Variants in NSD2 observed in about 807,000 individuals in gnomAD.
NSD2 encodes the protein nuclear receptor binding SET domain protein 2.
Under a neutral mutation model 139.0 loss-of-function variants are expected in NSD2, and 12 were observed. The ratio of observed to expected loss-of-function variants is 0.09; its 90% CI spans 0.06 to 0.14. The LOEUF (loss-of-function observed/expected upper bound fraction) is 0.14. Among genes scored for constraint, NSD2 ranks in the 10% least tolerant of loss-of-function variants. The pLI is 1.00. For synonymous variants in NSD2, 669 were observed against 648.7 expected (o/e 1.03, Z -0.48); for missense variants, 1,155 against 1,745.0 (o/e 0.66, Z 6.02).
At chr4:1,895,223 C>T (rs1221394423) in intron 1 of NSD2, among the ~76,000 whole-genome samples, 1 of 152,174 alleles carries the variant, frequency 6.6e-6, no homozygotes, top group Non-Finnish European at 1.5e-5. Flanking sequence ...TGTAATAGTG[C>T]TCCTGTGAAC....
intron 6 of NSD2, among the ~76,000 whole-genome samples, chr4:1,931,495 A>C (rs535836875): frequency 1.3e-5 from 2 of 152,306 alleles, no homozygotes; most frequent in African/African-American, 4.8e-5. Flanking sequence ...TGTAAAAATA[A>C]CTGACATATT....
chr4:1,910,114 T>G (rs1449702751), intron 3 of NSD2, among the ~76,000 whole-genome samples: 4 of 151,908 alleles, frequency 2.6e-5, no homozygotes, highest in Non-Finnish European at 5.9e-5. Context: ...CAAAATTTCC[T>G]TTGGAAATCT....
At chr4:1,975,556 C>G (rs1303800329) in intron 20 of NSD2, 156 bp downstream of exon 20, 2 of 636,314 alleles carry the variant, frequency 3.1e-6, no homozygotes, top group South Asian at 1.9e-5. Context: ...GAGGATGGCT[C>G]TCAACAAAGG....
intron 17 of NSD2, among the ~76,000 whole-genome samples, chr4:1,960,118 C>T (rs889350585): frequency 3.9e-5 from 6 of 152,142 alleles, no homozygotes; most frequent in African/African-American, 1.4e-4. Context: ...CTAGGCCTCC[C>T]AAAGCAATGG....
chr4:1,874,833 A>G (rs1714132777), intron 1 of NSD2, among the ~76,000 whole-genome samples: 1 of 152,248 alleles, frequency 6.6e-6, no homozygotes, highest in Non-Finnish European at 1.5e-5. Flanking sequence ...TTAGGCTTGT[A>G]TTTGTAAACT....
In NSD2 at chr4:1,900,489, T is replaced by C. The variant is rs551892281; in HGVS notation, c.-29-137T>C. ...GATACTAAAACTGCCTTCTGTGACC[T>C]GAATTATTATAAAAACATCATAAAT... On this transcript the variant is annotated intron_variant, in intron 1 of 21. Transcript: ENST00000508803. The C allele has an allele frequency of 9.6e-6, 5 of 521,236 alleles. No homozygotes were observed. In the Admixed American group the frequency reaches 1.5e-4, roughly 16 times the overall value. 32.3% of individuals were successfully genotyped at this position (521,236 alleles called of 1,614,324 possible).
intron 18 of NSD2, among the ~76,000 whole-genome samples, chr4:1,969,123 C>T (rs539690508): frequency 1.5e-4 from 23 of 152,300 alleles, no homozygotes; most frequent in African/African-American, 5.3e-4. Context: ...CTGGGGCCTG[C>T]CCCCAGCGGC....
intron 21 of NSD2, among the ~76,000 whole-genome samples, chr4:1,977,185 T>C (rs1302206570): frequency 6.6e-6 from 1 of 152,214 alleles, no homozygotes; most frequent in African/African-American, 2.4e-5. Flanking sequence ...GCTCCGCCGG[T>C]TGACGAAGGA....
At chr4:1,951,036 G>T in intron 9 of NSD2, 36 bp from the exon 10 acceptor site, 1 of 1,611,678 alleles carries the variant, frequency 6.2e-7, no homozygotes, top group South Asian at 1.1e-5. Flanking sequence ...TGTGTTCTGC[G>T]ACTAGTGAAC....
chr4:1,912,513 TGTC>T (rs1718816780), intron 3 of NSD2, among the ~76,000 whole-genome samples: 1 of 152,208 alleles, frequency 6.6e-6, no homozygotes, highest in African/African-American at 2.4e-5. Flanking sequence ...TACACTATGT[TGTC>T]CATACAGCCT....
At chr4:1,971,716 A>G (rs1638916027) in intron 18 of NSD2, among the ~76,000 whole-genome samples, 1 of 152,148 alleles carries the variant, frequency 6.6e-6, no homozygotes, top group Non-Finnish European at 1.5e-5. Context: ...GCACCTGAAA[A>G]GCATGGAGAG....
In NSD2 at chr4:1,974,724, T is replaced by TC; in HGVS notation, c.3373-138dup. On this transcript the variant is annotated intron_variant, in intron 18 of 21. Coordinates refer to ENST00000508803, the MANE Select transcript of NSD2 (RefSeq NM_001042424.3). This position sits in a 1 kb window ranked among gnomAD's most constrained non-coding sequence, Gnocchi z 4.0. ...AGGACTGGTTTGGGGGTGTCCTGTC[T>TC]CAGTGGACACAGGACACCACGGTTT... 3.3e-6 allele frequency: 4 copies of TC among 1,222,110 alleles called. No individual in the cohort carries two copies. The highest frequency in any genetic ancestry group is 4.8e-6 in the Non-Finnish European group (4 of 834,206). The allele number at this position is 1,222,110 out of a possible 1,614,324, so 75.7% of individuals were successfully genotyped here.
At chr4:1,964,634 T>C (rs2108988395) in intron 18 of NSD2, among the ~76,000 whole-genome samples, 1 of 152,278 alleles carries the variant, frequency 6.6e-6, no homozygotes, top group South Asian at 2.1e-4. Flanking sequence ...TGCGCTGCGC[T>C]GCCGTTGTTA....
intron 5 of NSD2, among the ~76,000 whole-genome samples, chr4:1,924,630 G>A (rs1407047886): frequency 6.6e-6 from 1 of 152,028 alleles, no homozygotes; most frequent in East Asian, 1.9e-4. Flanking sequence ...TGAGTTCTGG[G>A]CAGAGTGCAG....
At chr4:1,949,812 AAC>A (rs1724025801) in intron 9 of NSD2, among the ~76,000 whole-genome samples, 1 of 151,914 alleles carries the variant, frequency 6.6e-6, no homozygotes, top group South Asian at 2.1e-4. Flanking sequence ...GAAGTCAGCA[AAC>A]ACTTCTGTGT....
chr4:1,963,644 C>A (rs1725586370), intron 18 of NSD2, among the ~76,000 whole-genome samples: 1 of 152,188 alleles, frequency 6.6e-6, no homozygotes, highest in Non-Finnish European at 1.5e-5. Context: ...ACCTGAGGTA[C>A]CTGATTGAGG....
intron 7 of NSD2, among the ~76,000 whole-genome samples, chr4:1,936,624 C>T (rs1260702882): frequency 3.4e-5 from 5 of 145,430 alleles, no homozygotes; most frequent in East Asian, 2.0e-4. Context: ...GCTGAGATTG[C>T]GCCACTGCAC....
chr4:1,978,959 C>A lies in NSD2; in HGVS notation c.*50C>A. The A allele has an allele frequency of 6.9e-7, 1 of 1,446,822 alleles. No individual in the cohort carries two copies. Among genetic ancestry groups the A allele is most frequent in the Non-Finnish European group, 9.1e-7 (1 of 1,097,736 alleles). The allele number at this position is 1,446,822 out of a possible 1,614,324, so 89.6% of individuals were successfully genotyped here. A position where few individuals can be genotyped will look rare whatever the true frequency, so the allele number is the denominator to read the frequency against. On this transcript the variant is annotated 3_prime_UTR_variant, in exon 22 of 22. Coordinates refer to ENST00000508803, the MANE Select transcript of NSD2 (RefSeq NM_001042424.3). Reference sequence around the variant, plus strand: ...CCAGGGGCGGTGCAGGGCGGCCGGCCCTGCCTGCGGGAGAGGGCGAGCATG... The same window carrying A: ...CCAGGGGCGGTGCAGGGCGGCCGGCACTGCCTGCGGGAGAGGGCGAGCATG...
intron 5 of NSD2, among the ~76,000 whole-genome samples, chr4:1,920,399 T>C (rs1427715833): frequency 6.6e-6 from 1 of 151,718 alleles, no homozygotes; most frequent in Non-Finnish European, 1.5e-5. Context: ...GCTGAAATCA[T>C]GCCGCTGCAC....
Sources: gnomAD v4.1 joint callset for allele counts (sites outside exome capture counted in the v4.1 genomes callset) on GRCh38, gnomAD v4.1.1 for gene constraint, Gnocchi (gnomAD v3.1) non-coding constraint, MANE v1.5 for transcripts, NCBI Gene and HGNC (gene_info 2026-07-23, HGNC 2026-07-21) for gene names.